The following DNAJC13 variants were observed in gnomAD, a reference collection of about 807,000 sequenced individuals.
The protein encoded by DNAJC13 is dnaJ homolog subfamily C member 13.
A neutral mutation model predicts 290.5 loss-of-function variants in DNAJC13; 75 were observed. The observed-to-expected ratio is 0.26, with a 90% CI of 0.21 to 0.31. The LOEUF (loss-of-function observed/expected upper bound fraction) is 0.31, where lower values mean the gene tolerates loss of function less well. DNAJC13 is among the 10% of genes least tolerant of loss of function. The pLI is 1.00. For synonymous variants in DNAJC13, 862 were observed against 892.0 expected (o/e 0.97, Z 0.60); for missense variants, 2,260 against 2,674.5 (o/e 0.85, Z 3.42).
intron 43 of DNAJC13, among the ~76,000 whole-genome samples, chr3:132,508,670 G>A (rs1295931248): frequency 1.3e-5 from 2 of 152,074 alleles, no homozygotes; most frequent in African/African-American, 2.4e-5. Flanking sequence ...AAACTATTGG[G>A]TACTGTACTC....
intron 2 of DNAJC13, 151 bp downstream of exon 2, chr3:132,434,769 T>C: frequency 1.9e-6 from 1 of 528,128 alleles, no homozygotes; most frequent in Non-Finnish European, 3.1e-6. Flanking sequence ...AAATGCTACA[T>C]GTATTTTTTT....
chr3:132,460,967 CAG>C, intron 14 of DNAJC13, 81 bp from the exon 15 acceptor site: 2 of 1,310,188 alleles, frequency 1.5e-6, no homozygotes, highest in Non-Finnish European at 2.1e-6. Context: ...TATAGAATAA[CAG>C]AAAGGAACAC....
intron 5 of DNAJC13, among the ~76,000 whole-genome samples, chr3:132,449,197 T>C (rs1447099556): frequency 6.6e-6 from 1 of 152,140 alleles, no homozygotes; most frequent in African/African-American, 2.4e-5. Context: ...GCACTCTTCT[T>C]GCCTAAGTTG....
intron 43 of DNAJC13, among the ~76,000 whole-genome samples, chr3:132,510,680 G>C (rs1935749534): frequency 6.6e-6 from 1 of 152,200 alleles, no homozygotes; most frequent in African/African-American, 2.4e-5. Flanking sequence ...CTATTAAGCA[G>C]AATGAGTTAA....
chr3:132,446,555 T>C lies in DNAJC13; in HGVS notation c.144+5T>C. ...ACCTTAGAAGTAACAAATCAGGTAA[T>C]CCTGTTAGAAGCTGTTAGGTGTTTG... is the stretch of plus-strand genomic sequence containing the variant. On this transcript the variant is annotated splice_donor_5th_base_variant and intron_variant, in intron 3 of 55. Coordinates refer to ENST00000260818, the MANE Select transcript of DNAJC13 (RefSeq NM_015268.4). 1 of 1,594,224 alleles carries C rather than the reference T, an allele frequency of 6.3e-7. No homozygotes were observed. Among genetic ancestry groups the C allele is most frequent in the Non-Finnish European group, 8.5e-7 (1 of 1,171,766 alleles).
chr3:132,465,738 T>C (rs547579897), intron 17 of DNAJC13, among the ~76,000 whole-genome samples: 1 of 152,278 alleles, frequency 6.6e-6, no homozygotes, highest in South Asian at 2.1e-4. Context: ...AACCTACTTT[T>C]TTCCTGTTCG....
At position 132,516,440 on chromosome 3, in the gene DNAJC13, A is replaced by T. The variant is rs1172941224; in HGVS notation, c.5504A>T (p.Glu1835Val). 1 of 1,613,848 alleles carries T rather than the reference A, an allele frequency of 6.2e-7. No individual in the cohort carries two copies. The highest frequency in any genetic ancestry group is 8.5e-7 in the Non-Finnish European group (1 of 1,179,788). Residue 1835 changes from glutamate (E) to valine (V), a missense_variant, in exon 47 of 56, where the codon GAA becomes GTA. Transcript: ENST00000260818. ...SLPSSRQLVL[E>V]TLYALTSSTK... ...TCTGCAGGTCGTCAGCTTGTTCTGGAAACTCTTTATGCTTTGACATCGAGT... is the reference window on the plus strand; with the variant it reads ...TCTGCAGGTCGTCAGCTTGTTCTGGTAACTCTTTATGCTTTGACATCGAGT...
intron 20 of DNAJC13, among the ~76,000 whole-genome samples, chr3:132,471,352 C>T (rs1436628421): frequency 2.7e-5 from 4 of 146,388 alleles, no homozygotes; most frequent in Admixed American, 1.4e-4. Flanking sequence ...TTGACCCCCC[C>T]CCACCTCCCT....
chr3:132,517,922 T>A (rs538294674), intron 48 of DNAJC13, among the ~76,000 whole-genome samples: 3 of 152,324 alleles, frequency 2.0e-5, no homozygotes, highest in African/African-American at 7.2e-5. Flanking sequence ...TTCTGCAGGG[T>A]TGATGAGACA....
intron 34 of DNAJC13, 29 bp downstream of exon 34, chr3:132,494,288 G>A (rs1285052405): frequency 6.7e-7 from 1 of 1,499,778 alleles, no homozygotes; most frequent in Non-Finnish European, 9.3e-7. Context: ...AATAGCAAAT[G>A]TCTGTCCCAC....
At chr3:132,431,713 A>G (rs1939244474) in intron 1 of DNAJC13, among the ~76,000 whole-genome samples, 2 of 152,232 alleles carry the variant, frequency 1.3e-5, no homozygotes, top group African/African-American at 4.8e-5. Flanking sequence ...TATTATTCAT[A>G]ATAGCCAAAA....
Position 132,503,309 on chromosome 3 carries a change from C to T in DNAJC13, c.4812C>T (p.Thr1604=). 1 of 1,614,076 alleles carries T rather than the reference C, an allele frequency of 6.2e-7. No homozygotes were observed. Among genetic ancestry groups the T allele is most frequent in the Non-Finnish European group, 8.5e-7 (1 of 1,179,982 alleles). The change falls in exon 41 of 56, where the codon ACC becomes ACT. Residue 1604 remains threonine (T), a synonymous_variant. Coordinates refer to ENST00000260818, the MANE Select transcript of DNAJC13 (RefSeq NM_015268.4). ...AEEQATPENP[T]IRKSLAGMLT... is the part of the protein sequence containing the mutation. Reference sequence around the variant, plus strand: ...AACAAGCAACTCCAGAAAATCCAACCATAAGGAAAAGCTTAGCTGGCATGC... The same window carrying T: ...AACAAGCAACTCCAGAAAATCCAACTATAAGGAAAAGCTTAGCTGGCATGC...
chr3:132,495,770 G>A (rs1178702548), intron 35 of DNAJC13, among the ~76,000 whole-genome samples: 1 of 152,034 alleles, frequency 6.6e-6, no homozygotes, highest in Non-Finnish European at 1.5e-5. Flanking sequence ...ATTCCTGAAT[G>A]AGAAGACATG....
chr3:132,506,231 T>C (rs2107725789), intron 42 of DNAJC13, among the ~76,000 whole-genome samples: 1 of 151,536 alleles, frequency 6.6e-6, no homozygotes, highest in South Asian at 2.1e-4. Flanking sequence ...TTTGTATTTT[T>C]AGTAGAGATG....
chr3:132,470,672 C>A (rs1170078190), intron 20 of DNAJC13, among the ~76,000 whole-genome samples: 24 of 111,280 alleles, frequency 2.2e-4, no homozygotes, highest in East Asian at 9.5e-4. Context: ...GGGGCCGACA[C>A]CCCCACCTCC....
chr3:132,465,789 T>G (rs915187605), intron 17 of DNAJC13, among the ~76,000 whole-genome samples: 2 of 152,132 alleles, frequency 1.3e-5, no homozygotes, highest in East Asian at 3.8e-4. Context: ...GGAAAACATT[T>G]TAATTTTTAG....
chr3:132,463,960 A>T (rs1933893625), intron 17 of DNAJC13, 143 bp downstream of exon 17: 4 of 1,004,444 alleles, frequency 4.0e-6, no homozygotes, highest in Admixed American at 7.1e-5. Flanking sequence ...TTCCTTACAG[A>T]AGGATTTTGC....
intron 13 of DNAJC13, chr3:132,458,125 C>T: frequency 6.6e-6 from 1 of 150,846 alleles, no homozygotes; most frequent in African/African-American, 2.5e-5. Flanking sequence ...CTAGGGTAGT[C>T]ACAGGGCTAA....
rs1230668315 is a variant in DNAJC13, at chr3:132,471,611, C to T, written c.2209-1534C>T. Among the ~76,000 whole-genome samples, 50 of 133,268 alleles carry T rather than the reference C, an allele frequency of 3.8e-4. 1 individual carries two copies. The highest frequency in any genetic ancestry group is 1.1e-3 in the African/African-American group (37 of 34,182). 87.4% of individuals were successfully genotyped at this position (133,268 alleles called of 152,430 possible). Reference sequence around the variant, plus strand: ...GGCACTCCTCACATCCCAGATGGGGCGGCAGGGCAGAGGCGCTCCCCACAT... The same window carrying T: ...GGCACTCCTCACATCCCAGATGGGGTGGCAGGGCAGAGGCGCTCCCCACAT... On this transcript the variant is annotated intron_variant, in intron 20 of 55. Transcript: ENST00000260818.
Sources: gnomAD v4.1 joint callset for allele counts (sites outside exome capture counted in the v4.1 genomes callset) on GRCh38, gnomAD v4.1.1 for gene constraint, MANE v1.5 for transcripts, NCBI Gene and HGNC (gene_info 2026-07-23, HGNC 2026-07-21) for gene names.